Variants in CCDC148 observed in about 807,000 individuals in gnomAD.
The protein encoded by CCDC148 is coiled-coil domain-containing protein 148.
A neutral mutation model predicts 85.7 loss-of-function variants in CCDC148; 89 were observed. The ratio of observed to expected loss-of-function variants is 1.04; its 90% CI spans 0.87 to 1.24. The LOEUF (loss-of-function observed/expected upper bound fraction) is 1.24. CCDC148 is among the 50% of genes most tolerant of loss of function. CCDC148 has a pLI of 0.00. For missense variants in CCDC148, 692 were observed against 671.7 expected (o/e 1.03, Z -0.33); for synonymous variants, 230 against 213.9 (o/e 1.08, Z -0.66).
At chr2:158,358,379 A>T in intron 2 of CCDC148, 70 bp downstream of exon 2, 1 of 1,525,540 alleles carries the variant, frequency 6.6e-7, no homozygotes, top group East Asian at 2.3e-5. Flanking sequence ...TTTCACATTG[A>T]CAATGTAAAT....
chr2:158,451,076 C>T (rs1688387570), intron 1 of CCDC148, among the ~76,000 whole-genome samples: 1 of 152,102 alleles, frequency 6.6e-6, no homozygotes. Context: ...CACAAATTTG[C>T]TATGGAACCC....
intron 3 of CCDC148, 118 bp from the exon 4 acceptor site, chr2:158,340,798 T>C (rs184773834): frequency 4.7e-6 from 3 of 641,348 alleles, no homozygotes; most frequent in Non-Finnish European, 8.0e-6. Context: ...ATTTAAACCA[T>C]GTACTAAATT....
intron 1 of CCDC148, among the ~76,000 whole-genome samples, chr2:158,452,765 C>T (rs1290495982): frequency 2.6e-5 from 4 of 152,200 alleles, no homozygotes; most frequent in Non-Finnish European, 4.4e-5. Flanking sequence ...GTGTGCAGGG[C>T]TGCCTCCTTC....
intron 11 of CCDC148, among the ~76,000 whole-genome samples, chr2:158,183,433 T>C (rs924187205): frequency 4.6e-5 from 7 of 152,128 alleles, no homozygotes; most frequent in Non-Finnish European, 8.8e-5. Context: ...GGCAAAATGA[T>C]AAGTACCAAA....
chr2:158,345,122 GTTAA>G, intron 3 of CCDC148, 89 bp downstream of exon 3: 2 of 785,758 alleles, frequency 2.5e-6, no homozygotes, highest in South Asian at 5.1e-5. Flanking sequence ...TATTATAATG[GTTAA>G]TTAACATGGA....
chr2:158,402,568 A>T (rs899846336), intron 1 of CCDC148, among the ~76,000 whole-genome samples: 2 of 152,060 alleles, frequency 1.3e-5, no homozygotes, highest in Non-Finnish European at 1.5e-5. Flanking sequence ...CCATTACTCT[A>T]GCCTTCAGTT....
At chr2:158,331,902 C>T (rs1229618307) in intron 7 of CCDC148, among the ~76,000 whole-genome samples, 1 of 152,134 alleles carries the variant, frequency 6.6e-6, no homozygotes, top group Admixed American at 6.5e-5. Context: ...ATGTGTGTCT[C>T]TGCACGAGAG....
chr2:158,270,193 T>C (rs1689637845), intron 9 of CCDC148, among the ~76,000 whole-genome samples: 1 of 152,202 alleles, frequency 6.6e-6, no homozygotes, highest in Non-Finnish European at 1.5e-5. Context: ...TGCTAAACAT[T>C]AACATTTATT....
Position 158,208,343 on chromosome 2 carries a change from T to C in CCDC148, c.1370+12252A>G, listed in dbSNP as rs531694032. ...GCTGTGAACTGTAGAAGGTGTTCTCTTTCTTTTTTCTCGCTTCTGAGCCCC... is the reference window on the plus strand; with the variant it reads ...GCTGTGAACTGTAGAAGGTGTTCTCCTTCTTTTTTCTCGCTTCTGAGCCCC... On this transcript the variant is annotated intron_variant, in intron 11 of 13. Coordinates refer to ENST00000283233, the MANE Select transcript of CCDC148 (RefSeq NM_138803.4). Among the ~76,000 whole-genome samples the C allele has an allele frequency of 9.6e-4, 13 of 13,604 alleles. No individual in the cohort carries two copies. In the East Asian group the frequency reaches 0.076, roughly 79 times the overall value. 8.9% of individuals were successfully genotyped at this position (13,604 alleles called of 152,430 possible).
chr2:158,392,759 A>G (rs183169014), intron 1 of CCDC148, among the ~76,000 whole-genome samples: 445 of 152,250 alleles, frequency 2.9e-3, no homozygotes, highest in Non-Finnish European at 5.2e-3. Flanking sequence ...ATAGTGAAAC[A>G]CAGATATAAA....
intron 2 of CCDC148, among the ~76,000 whole-genome samples, chr2:158,358,242 T>C (rs1683759100): frequency 6.6e-6 from 1 of 152,190 alleles, no homozygotes; most frequent in African/African-American, 2.4e-5. Context: ...TTCTGAACAT[T>C]AAATGGGTAA....
intron 11 of CCDC148, among the ~76,000 whole-genome samples, chr2:158,181,013 T>C (rs752612038): frequency 3.3e-5 from 5 of 152,098 alleles, no homozygotes; most frequent in African/African-American, 4.8e-5. Context: ...CCACTTTCAC[T>C]AAGGCATGAC....
At chr2:158,290,676 T>C (rs1479878313) in intron 9 of CCDC148, among the ~76,000 whole-genome samples, 1 of 152,154 alleles carries the variant, frequency 6.6e-6, no homozygotes, top group Admixed American at 6.5e-5. Context: ...TGCTCTCTTG[T>C]AGTATTTATT....
chr2:158,291,424 A>G (rs1247960175), intron 9 of CCDC148, among the ~76,000 whole-genome samples: 1 of 152,132 alleles, frequency 6.6e-6, no homozygotes, highest in African/African-American at 2.4e-5. Flanking sequence ...TCACACCTTA[A>G]AAATAAGAAC....
chr2:158,224,684 T>G (rs1172983895), intron 10 of CCDC148, among the ~76,000 whole-genome samples: 4 of 152,186 alleles, frequency 2.6e-5, no homozygotes, highest in Non-Finnish European at 5.9e-5. Context: ...CAAACCAGAA[T>G]TTCATATCCA....
At chr2:158,250,422 C>T (rs1688741800) in intron 10 of CCDC148, among the ~76,000 whole-genome samples, 1 of 151,836 alleles carries the variant, frequency 6.6e-6, no homozygotes, top group African/African-American at 2.4e-5. Context: ...ACATTGCCAT[C>T]AACCAAGACA....
intron 7 of CCDC148, among the ~76,000 whole-genome samples, chr2:158,333,611 G>A (rs112675943): frequency 0.058 from 8,870 of 152,198 alleles, 357 homozygotes; most frequent in Non-Finnish European, 0.081. Flanking sequence ...AATATTGACA[G>A]TGGGGTGTTA....
chr2:158,281,747 A>G (rs1042119696), intron 9 of CCDC148, among the ~76,000 whole-genome samples: 2 of 152,206 alleles, frequency 1.3e-5, no homozygotes, highest in Non-Finnish European at 2.9e-5. Flanking sequence ...AATCAATAGA[A>G]AAAGAGGGAA....
At chr2:158,248,140 G>A (rs1284987378) in intron 10 of CCDC148, among the ~76,000 whole-genome samples, 1 of 151,746 alleles carries the variant, frequency 6.6e-6, no homozygotes, top group African/African-American at 2.4e-5. Flanking sequence ...TAGTGTTCAT[G>A]AAAAAATTAA....
Sources: allele counts gnomAD v4.1 joint callset (sites outside exome capture counted in the v4.1 genomes callset), GRCh38; gene constraint gnomAD v4.1.1; transcripts MANE v1.5; gene names NCBI Gene and HGNC (gene_info 2026-07-23, HGNC 2026-07-21).